The following CABCOCO1 variants were observed in gnomAD, a reference collection of about 807,000 sequenced individuals.
The protein encoded by CABCOCO1 is ciliary associated calcium binding coiled-coil 1.
A neutral mutation model predicts 35.7 loss-of-function variants in CABCOCO1; 28 were observed. The observed-to-expected ratio is 0.78, with a 90% CI of 0.58 to 1.07. The LOEUF (loss-of-function observed/expected upper bound fraction) is 1.07. Ranked by LOEUF, CABCOCO1 falls within the 50% of genes least tolerant of loss-of-function variation. The pLI is 0.00. For missense variants in CABCOCO1, 326 were observed against 309.2 expected (o/e 1.05, Z -0.41); for synonymous variants, 95 against 100.1 (o/e 0.95, Z 0.30).
At chr10:61,677,440 A>G (rs1239819051) in intron 2 of CABCOCO1, among the ~76,000 whole-genome samples, 1 of 152,164 alleles carries the variant, frequency 6.6e-6, no homozygotes, top group Non-Finnish European at 1.5e-5. Flanking sequence ...ATAAGACTTA[A>G]GAATGTATGA....
chr10:61,735,201 G>A (rs1227995070), intron 5 of CABCOCO1, among the ~76,000 whole-genome samples: 1 of 151,994 alleles, frequency 6.6e-6, no homozygotes, highest in Non-Finnish European at 1.5e-5. Flanking sequence ...TATAAAGTAA[G>A]TAAGCATCAC....
At chr10:61,704,453 T>C (rs1840546224) in intron 5 of CABCOCO1, among the ~76,000 whole-genome samples, 1 of 152,166 alleles carries the variant, frequency 6.6e-6, no homozygotes, top group Non-Finnish European at 1.5e-5. Context: ...ATAAGGACAC[T>C]TGGCAGCATC....
chr10:61,694,794 G>T (rs189325829), intron 5 of CABCOCO1, among the ~76,000 whole-genome samples: 1 of 152,058 alleles, frequency 6.6e-6, no homozygotes, highest in South Asian at 2.1e-4. Context: ...GTGGAGCTAG[G>T]AGAACAAAAA....
intron 3 of CABCOCO1, among the ~76,000 whole-genome samples, chr10:61,683,141 T>C (rs995673205): frequency 3.3e-5 from 5 of 152,166 alleles, no homozygotes; most frequent in African/African-American, 1.2e-4. Context: ...TCTGCCCGCC[T>C]CAGCTTCCCA....
chr10:61,734,441 CT>C (rs1841370335), intron 5 of CABCOCO1, among the ~76,000 whole-genome samples: 1 of 151,924 alleles, frequency 6.6e-6, no homozygotes, highest in African/African-American at 2.4e-5. Flanking sequence ...CCCACCTTCA[CT>C]CTTCAATGGG....
intron 1 of CABCOCO1, among the ~76,000 whole-genome samples, chr10:61,667,972 T>C (rs1430810725): frequency 6.6e-6 from 1 of 152,004 alleles, no homozygotes; most frequent in African/African-American, 2.4e-5. Context: ...AGGATTTCAC[T>C]ATTCCATATG....
At chr10:61,709,181 TC>T (rs1332026172) in intron 5 of CABCOCO1, among the ~76,000 whole-genome samples, 1 of 152,164 alleles carries the variant, frequency 6.6e-6, no homozygotes, top group Non-Finnish European at 1.5e-5. Flanking sequence ...GTTGATTTTA[TC>T]CCTTTTATTT....
intron 5 of CABCOCO1, among the ~76,000 whole-genome samples, chr10:61,716,869 T>G (rs1430327588): frequency 6.8e-6 from 1 of 147,946 alleles, no homozygotes; most frequent in Non-Finnish European, 1.5e-5. Flanking sequence ...CAATACTAGA[T>G]ATTTCTGAGA....
intron 5 of CABCOCO1, among the ~76,000 whole-genome samples, chr10:61,692,856 C>T (rs187862620): frequency 2.2e-4 from 34 of 152,224 alleles, no homozygotes; most frequent in Admixed American, 1.4e-3. Context: ...CCTCATATCG[C>T]GTGACAGCCC....
At chr10:61,673,443 G>T (rs909455632) in intron 2 of CABCOCO1, among the ~76,000 whole-genome samples, 18 of 152,164 alleles carry the variant, frequency 1.2e-4, no homozygotes, top group African/African-American at 4.1e-4. Context: ...GAGTGGGGAT[G>T]ATGTCATGCA....
intron 5 of CABCOCO1, among the ~76,000 whole-genome samples, chr10:61,726,823 G>GA (rs1255507737): frequency 4.2e-5 from 6 of 143,210 alleles, no homozygotes; most frequent in African/African-American, 1.6e-4. Context: ...TTTGGGAGGC[G>GA]AGCGGGGGTG....
intron 5 of CABCOCO1, among the ~76,000 whole-genome samples, chr10:61,757,700 G>C (rs10994911): frequency 1.2e-4 from 17 of 147,710 alleles, no homozygotes; most frequent in Admixed American, 2.1e-4. Context: ...CACACACACA[G>C]ACACACACAC....
chr10:61,710,301 T>C (rs1232417734), intron 5 of CABCOCO1, among the ~76,000 whole-genome samples: 2 of 150,798 alleles, frequency 1.3e-5, no homozygotes, highest in African/African-American at 4.9e-5. Flanking sequence ...TGTGTAGAGA[T>C]ATAAATATAG....
At chr10:61,751,625 T>C (rs1340593940) in intron 5 of CABCOCO1, among the ~76,000 whole-genome samples, 4 of 152,110 alleles carry the variant, frequency 2.6e-5, no homozygotes, top group African/African-American at 9.7e-5. Context: ...ACTCCAAATA[T>C]TCTTCTACAT....
Position 61,688,105 on chromosome 10 carries a change from G to A in CABCOCO1, c.479+1920G>A, listed in dbSNP as rs377388237. 3.4e-4 allele frequency among the ~76,000 whole-genome samples: 51 copies of A among 152,096 alleles called. No individual in the cohort carries two copies. The South Asian group carries it at 0.01, about 31-fold the overall frequency. On this transcript the variant is annotated intron_variant, in intron 4 of 7. Coordinates refer to ENST00000648843, the MANE Select transcript of CABCOCO1 (RefSeq NM_001366906.2). ...TTGATCTCTGCAGCAAACCACCATGGCACCCGTTTAAACCTACCCATCCTG... is the reference window on the plus strand; with the variant it reads ...TTGATCTCTGCAGCAAACCACCATGACACCCGTTTAAACCTACCCATCCTG...
chr10:61,692,448 A>G lies in CABCOCO1; in HGVS notation c.552+1827A>G, dbSNP rs182828897. ...GAAATAGTGCTTCTGTAGGTCCACA[A>G]TTACTTTAAGGGGCTTTGTTGCCTC... is the stretch of plus-strand genomic sequence containing the variant. On this transcript the variant is annotated intron_variant, in intron 5 of 7. Coordinates refer to ENST00000648843, the MANE Select transcript of CABCOCO1 (RefSeq NM_001366906.2). Among the ~76,000 whole-genome samples the G allele has an allele frequency of 1.9e-3, 282 of 152,264 alleles. 1 individual carries two copies. Among genetic ancestry groups the G allele is most frequent in the African/African-American group, 6.6e-3 (273 of 41,584 alleles).
intron 5 of CABCOCO1, among the ~76,000 whole-genome samples, chr10:61,751,599 T>A (rs1841788311): frequency 6.6e-6 from 1 of 152,122 alleles, no homozygotes; most frequent in Non-Finnish European, 1.5e-5. Context: ...ATGATTCCAG[T>A]AAGCACTAAA....
At chr10:61,749,736 G>T (rs71507191) in intron 5 of CABCOCO1, among the ~76,000 whole-genome samples, 19 of 152,306 alleles carry the variant, frequency 1.2e-4, no homozygotes, top group African/African-American at 4.6e-4. Context: ...AGGTGCGTGG[G>T]TTTCAGAGTC....
At chr10:61,671,807 C>A (rs1564528972) in intron 1 of CABCOCO1, among the ~76,000 whole-genome samples, 1 of 152,190 alleles carries the variant, frequency 6.6e-6, no homozygotes. Flanking sequence ...CATTTACCTG[C>A]CCAGAAACTT....
Sources: allele counts gnomAD v4.1 joint callset (sites outside exome capture counted in the v4.1 genomes callset), GRCh38; gene constraint gnomAD v4.1.1; transcripts MANE v1.5; gene names NCBI Gene and HGNC (gene_info 2026-07-23, HGNC 2026-07-21).